AP2A2: variants seen among roughly 807,000 people sequenced by gnomAD.
AP2A2 encodes AP-2 complex subunit alpha-2.
A neutral mutation model predicts 104.2 loss-of-function variants in AP2A2; 32 were observed. The observed-to-expected ratio is 0.31, with a 90% confidence interval of 0.23 to 0.41. The LOEUF (loss-of-function observed/expected upper bound fraction) is 0.41. AP2A2 is among the 10% of genes least tolerant of loss of function. The pLI, the probability that AP2A2 is intolerant of heterozygous loss-of-function variation, is 1.00. For missense variants in AP2A2, 912 were observed against 1,261.0 expected, an observed-to-expected ratio of 0.72 and a Z score of 4.19; for synonymous variants, 539 against 533.3, an observed-to-expected ratio of 1.01 and a Z score of -0.15.
chr11:936,647 C>G lies in AP2A2; in HGVS notation c.67+10559C>G, dbSNP rs554094313. The stretch of plus-strand genomic sequence containing the variant: ...GAGTGATCCACCTGCTTCAGCCTCC[C>G]AAAGTGCTAGAATTACAGGTGTGAG... On this transcript the variant is annotated intron_variant, in intron 1 of 21. Coordinates refer to ENST00000448903, the MANE Select transcript of AP2A2 (RefSeq NM_012305.4). Among the ~76,000 whole-genome samples the G allele has an allele frequency of 6.6e-5, 10 of 152,250 alleles. No homozygotes were observed. The South Asian group carries it at 2.1e-3, about 32-fold the overall frequency.
chr11:928,692 C>T (rs1246875505), intron 1 of AP2A2, among the ~76,000 whole-genome samples: 1 of 152,250 alleles, frequency 6.6e-6, no homozygotes, highest in Admixed American at 6.5e-5. Context: ...TAGTGTATCC[C>T]ATTGAATAAC....
chr11:945,119 A>G (rs1057312697), intron 1 of AP2A2, among the ~76,000 whole-genome samples: 1 of 152,016 alleles, frequency 6.6e-6, no homozygotes, highest in African/African-American at 2.4e-5. Flanking sequence ...TGGTCTGGAA[A>G]GGGTGGGCAG....
intron 6 of AP2A2, among the ~76,000 whole-genome samples, chr11:982,590 TCAAA>T (rs992954927): frequency 5.9e-5 from 9 of 152,164 alleles, no homozygotes; most frequent in African/African-American, 2.2e-4. Flanking sequence ...ATCTAGTTTG[TCAAA>T]CAGTTTTTAT....
intron 1 of AP2A2, among the ~76,000 whole-genome samples, chr11:931,497 A>G (rs766376698): frequency 1.3e-5 from 2 of 152,194 alleles, no homozygotes; most frequent in Non-Finnish European, 2.9e-5. Context: ...GGAAGAAGTG[A>G]TAAGTCCTTT....
At position 972,126 on chromosome 11, in the gene AP2A2, C is replaced by T; in HGVS notation, c.344C>T (p.Ala115Val). Reference protein sequence around the residue: ...NSELIRLINNAIKNDLASRNP... With the variant: ...NSELIRLINNVIKNDLASRNP... ...GAGCTGATCCGCCTGATCAACAACG[C>T]CATCAAGAATGACCTGGCCAGCCGC... Residue 115 changes from alanine to valine, a missense_variant, in exon 4 of 22, where the codon GCC becomes GTC. Coordinates refer to ENST00000448903, the MANE Select transcript of AP2A2 (RefSeq NM_012305.4). The T allele has an allele frequency of 6.2e-7, 1 of 1,613,800 alleles. No homozygotes were observed. Among genetic ancestry groups the T allele is most frequent in the Non-Finnish European group, 8.5e-7 (1 of 1,179,832 alleles).
intron 1 of AP2A2, among the ~76,000 whole-genome samples, chr11:934,279 T>A (rs768780037): frequency 6.6e-6 from 1 of 152,154 alleles, no homozygotes; most frequent in Non-Finnish European, 1.5e-5. Context: ...TTCCCACTTT[T>A]AAATTTTTTA....
intron 1 of AP2A2, among the ~76,000 whole-genome samples, chr11:937,472 G>A (rs928899331): frequency 2.0e-5 from 3 of 152,178 alleles, no homozygotes; most frequent in Admixed American, 2.0e-4. Flanking sequence ...GCCAGGCAAG[G>A]TGGTTCATGC....
intron 1 of AP2A2, among the ~76,000 whole-genome samples, chr11:954,420 A>G (rs1484030371): frequency 2.0e-5 from 3 of 150,792 alleles, no homozygotes; most frequent in African/African-American, 7.4e-5. Context: ...GTGTGTGTGT[A>G]TGTATTTGTG....
Position 1,012,169 on chromosome 11 carries a change from C to A in AP2A2, c.*1544C>A, listed in dbSNP as rs1431663587. ...AAGGCTGCTCCCCGAGGCACCGCTT[C>A]CCTGTGCGGCGCTGCAGAGGGGCCC... On this transcript the variant is annotated 3_prime_UTR_variant, in exon 22 of 22. Coordinates refer to ENST00000448903, the MANE Select transcript of AP2A2 (RefSeq NM_012305.4). 2.6e-5 allele frequency: 4 copies of A among 152,594 alleles called. No individual in the cohort carries two copies. Among genetic ancestry groups the A allele is most frequent in the Non-Finnish European group, 5.9e-5 (4 of 68,342 alleles). The allele number at this position is 152,594 out of a possible 1,614,324, so 9.5% of individuals were successfully genotyped here.
chr11:994,006 G>A (rs762664091), intron 13 of AP2A2, 21 bp downstream of exon 13: 55 of 1,608,980 alleles, frequency 3.4e-5, no homozygotes, highest in Middle Eastern at 1.7e-4. Context: ...CCCGCCCTTC[G>A]GGCTGGCTTG....
intron 20 of AP2A2, 129 bp from the exon 21 acceptor site, chr11:1,009,554 G>A (rs1856340395): frequency 1.6e-6 from 2 of 1,237,952 alleles, no homozygotes; most frequent in African/African-American, 3.2e-5. Context: ...CCAGCGCCAG[G>A]GTCTGGAGGG....
chr11:933,831 T>C (rs890239045), intron 1 of AP2A2, among the ~76,000 whole-genome samples: 5 of 152,146 alleles, frequency 3.3e-5, no homozygotes, highest in African/African-American at 4.8e-5. Flanking sequence ...CCTGAAACAT[T>C]GTTGGCAGAG....
intron 18 of AP2A2, chr11:1,008,746 G>A (rs1459074435): frequency 2.9e-6 from 1 of 343,076 alleles, no homozygotes; most frequent in African/African-American, 2.1e-5. Flanking sequence ...TAGAATTCGG[G>A]GACATAGACA....
chr11:990,567 G>A (rs1440508803), intron 10 of AP2A2, among the ~76,000 whole-genome samples: 1 of 152,164 alleles, frequency 6.6e-6, no homozygotes, highest in Non-Finnish European at 1.5e-5. Context: ...CGTGATGAGC[G>A]GCAATCCTCA....
Position 989,324 on chromosome 11 carries a change from ACT to A in AP2A2, c.1269+638_1269+639del, listed in dbSNP as rs999884928. On this transcript the variant is annotated intron_variant, in intron 10 of 21. Coordinates refer to ENST00000448903, the MANE Select transcript of AP2A2 (RefSeq NM_012305.4). ...CTCCAGCCTGAGCAACAAGAGCGAA[ACT>A]CTGTCTCAAAAAAAAAAAAACTAAA... Among the ~76,000 whole-genome samples, 7 of 150,260 alleles carry A rather than the reference ACT, an allele frequency of 4.7e-5. No homozygotes were observed. The South Asian group carries it at 8.5e-4, about 18-fold the overall frequency.
rs553009129 is a variant in AP2A2, at chr11:945,441, C to T, written c.68-13996C>T. ...CTCCACCTCCTGGGTTCAAGCGATT[C>T]TCCTGCCTCAGCCTCTCGAGTAGCT... On this transcript the variant is annotated intron_variant, in intron 1 of 21. Transcript: ENST00000448903. Among the ~76,000 whole-genome samples, 464 of 152,338 alleles carry T rather than the reference C, an allele frequency of 3.0e-3. 1 individual carries two copies. The highest frequency in any genetic ancestry group is 0.02 in the Middle Eastern group (6 of 294).
intron 1 of AP2A2, among the ~76,000 whole-genome samples, chr11:930,274 A>G (rs915144439): frequency 6.6e-6 from 1 of 152,074 alleles, no homozygotes; most frequent in Non-Finnish European, 1.5e-5. Flanking sequence ...GGCAGCAATG[A>G]ATATGCTCCA....
intron 1 of AP2A2, among the ~76,000 whole-genome samples, chr11:947,870 A>G (rs1232187353): frequency 6.6e-6 from 1 of 152,112 alleles, no homozygotes; most frequent in African/African-American, 2.4e-5. Flanking sequence ...AGACAGGAGG[A>G]TTGTTTAGCC....
In AP2A2 at chr11:1,010,967, G is replaced by GTGC. The variant is rs777427680; in HGVS notation, c.*346_*348dup. On this transcript the variant is annotated 3_prime_UTR_variant, in exon 22 of 22. Transcript: ENST00000448903. The stretch of plus-strand genomic sequence containing the variant: ...TGTGGGAGTGTCACTGAGATGGCCC[G>GTGC]TGCTGCCGCCCACCCCGCCTCGGAG... The GTGC allele has an allele frequency of 1.1e-5, 8 of 726,048 alleles. No homozygotes were observed. The highest frequency in any genetic ancestry group is 2.0e-5 in the Non-Finnish European group (8 of 394,110). The allele number at this position is 726,048 out of a possible 1,614,324, so 45.0% of individuals were successfully genotyped here.
Sources: allele counts gnomAD v4.1 joint callset (sites outside exome capture counted in the v4.1 genomes callset), GRCh38; gene constraint gnomAD v4.1.1; transcripts MANE v1.5; gene names NCBI Gene and HGNC (gene_info 2026-07-23, HGNC 2026-07-21).